Variants in LRPPRC observed in about 807,000 individuals in gnomAD.
LRPPRC encodes the protein leucine rich pentatricopeptide repeat containing.
LRPPRC carries 120 observed loss-of-function variants against 180.3 expected under a neutral mutation model. That is an observed-to-expected ratio of 0.67 (90% CI 0.57 to 0.77). The LOEUF (loss-of-function observed/expected upper bound fraction) is 0.77. Among genes scored for constraint, LRPPRC ranks in the 30% least tolerant of loss-of-function variants. LRPPRC has a pLI of 0.00. For synonymous variants in LRPPRC, 723 were observed against 600.0 expected, an observed-to-expected ratio of 1.21 and a Z score of -3.00; for missense variants, 2,012 against 1,657.2, an observed-to-expected ratio of 1.21 and a Z score of -3.72.
At chr2:43,949,705 A>G (rs1672826121) in intron 15 of LRPPRC, 46 bp from the exon 16 acceptor site, 1 of 1,205,536 alleles carries the variant, frequency 8.3e-7, no homozygotes, top group African/African-American at 1.5e-5. Context: ...GAAGCAAACA[A>G]GAACAAACAC....
Position 43,975,075 on chromosome 2 carries a change from T to C in LRPPRC, c.864+16A>G, listed in dbSNP as rs1289221034. 1.2e-6 allele frequency: 2 copies of C among 1,610,662 alleles called. No individual in the cohort carries two copies. Among genetic ancestry groups the C allele is most frequent in the Middle Eastern group, 1.7e-4 (1 of 6,056 alleles). Reference sequence around the variant, plus strand: ...CAAATGATTTTAAAGTATGTTTATTTAGACATAAGTCATACCTGCTTAACA... The same window carrying C: ...CAAATGATTTTAAAGTATGTTTATTCAGACATAAGTCATACCTGCTTAACA... On this transcript the variant is annotated intron_variant, in intron 7 of 37. Coordinates refer to ENST00000260665, the MANE Select transcript of LRPPRC (RefSeq NM_133259.4).
chr2:43,912,288 G>T, intron 30 of LRPPRC, 144 bp downstream of exon 30: 1 of 707,150 alleles, frequency 1.4e-6, no homozygotes, highest in Non-Finnish European at 2.4e-6. Flanking sequence ...GATAAAGTTA[G>T]TTAACCATTT....
chr2:43,946,305 T>C, intron 20 of LRPPRC, 62 bp from the exon 21 acceptor site: 1 of 1,300,568 alleles, frequency 7.7e-7, no homozygotes, highest in Non-Finnish European at 1.1e-6. Flanking sequence ...TGTCACATTT[T>C]TAGCTTTACT....
chr2:43,949,169 C>T (rs188777403), intron 16 of LRPPRC, among the ~76,000 whole-genome samples: 18 of 152,224 alleles, frequency 1.2e-4, no homozygotes, highest in Admixed American at 5.2e-4. Flanking sequence ...AGTCTAGCTT[C>T]ATTATATGAA....
intron 11 of LRPPRC, 119 bp from the exon 12 acceptor site, chr2:43,963,825 G>C: frequency 1.3e-6 from 1 of 757,188 alleles, no homozygotes; most frequent in Non-Finnish European, 2.4e-6. Flanking sequence ...TCAGCAATTC[G>C]TTTGTCTAAA....
intron 30 of LRPPRC, among the ~76,000 whole-genome samples, chr2:43,906,837 G>A (rs969965456): frequency 2.0e-5 from 3 of 152,154 alleles, no homozygotes; most frequent in African/African-American, 7.2e-5. Flanking sequence ...CACCCCTGCA[G>A]TCCCTGGACA....
At chr2:43,889,252 T>C (rs756705607) in intron 37 of LRPPRC, among the ~76,000 whole-genome samples, 38 of 128,004 alleles carry the variant, frequency 3.0e-4, no homozygotes, top group Non-Finnish European at 5.3e-4. Context: ...GAGGCGGAGG[T>C]TGCAGTGAGC....
intron 14 of LRPPRC, among the ~76,000 whole-genome samples, chr2:43,955,487 AAAAAAG>A (rs899415040): frequency 4.6e-5 from 7 of 151,598 alleles, no homozygotes; most frequent in Non-Finnish European, 1.5e-5. Flanking sequence ...AAAAAAAAAA[AAAAAAG>A]AAAAGAAAAT....
chr2:43,966,582 G>A (rs746659736), intron 11 of LRPPRC, among the ~76,000 whole-genome samples: 1 of 151,450 alleles, frequency 6.6e-6, no homozygotes, highest in South Asian at 2.1e-4. Flanking sequence ...AGTAATTTTT[G>A]TATTTTTACC....
At chr2:43,892,127 G>T (rs1458468749) in intron 36 of LRPPRC, among the ~76,000 whole-genome samples, 1 of 152,244 alleles carries the variant, frequency 6.6e-6, no homozygotes, top group East Asian at 1.9e-4. Context: ...AGCAGCAAAT[G>T]CTGATGCAGA....
chr2:43,957,330 G>A, intron 14 of LRPPRC, 55 bp downstream of exon 14: 2 of 1,179,450 alleles, frequency 1.7e-6, no homozygotes, highest in Non-Finnish European at 2.6e-6. Context: ...AAGTCAAAAG[G>A]ACAGGAGAAA....
intron 33 of LRPPRC, 34 bp downstream of exon 33, chr2:43,899,432 C>G (rs1558902411): frequency 1.2e-6 from 2 of 1,613,562 alleles, no homozygotes; most frequent in Non-Finnish European, 8.5e-7. Flanking sequence ...AGAAAATGTG[C>G]TTGTGTGTTC....
chr2:43,976,065 C>T (rs1006859614), intron 6 of LRPPRC, 78 bp downstream of exon 6: 4 of 827,628 alleles, frequency 4.8e-6, no homozygotes, highest in Non-Finnish European at 8.4e-6. Context: ...ACTTAACAAA[C>T]AAAAAAGGAG....
intron 14 of LRPPRC, 86 bp downstream of exon 14, chr2:43,957,299 T>G (rs1038623916): frequency 1.1e-6 from 1 of 902,396 alleles, no homozygotes; most frequent in Admixed American, 1.7e-5. Flanking sequence ...ATAAGAATAT[T>G]TGTATTTTTC....
chr2:43,939,056 C>T (rs377703532), intron 23 of LRPPRC, among the ~76,000 whole-genome samples: 61 of 150,408 alleles, frequency 4.1e-4, no homozygotes, highest in Non-Finnish European at 5.5e-4. Flanking sequence ...GTGGATCACG[C>T]GGTCAGGAGA....
At position 43,912,445 on chromosome 2, in the gene LRPPRC, C is replaced by G. The variant is rs1186493368; in HGVS notation, c.3262G>C (p.Glu1088Gln). ...MSEDYFTQAM[E>Q]VKAFAETHIK... ...ACTAACACTTACAATGCTTTCACTTCCATTGCTTGTGTAAAATAATCTTCT... is the reference window on the plus strand; with the variant it reads ...ACTAACACTTACAATGCTTTCACTTGCATTGCTTGTGTAAAATAATCTTCT... Residue 1088 changes from glutamate (E) to glutamine (Q), a missense_variant, in exon 30 of 38, where the codon GAA becomes CAA. Physicochemically the swap from Glu to Gln is conservative, Grantham distance 29. Coordinates refer to ENST00000260665, the MANE Select transcript of LRPPRC (RefSeq NM_133259.4). The G allele has an allele frequency of 6.2e-7, 1 of 1,609,882 alleles. No individual in the cohort carries two copies. The highest frequency in any genetic ancestry group is 1.3e-5 in the African/African-American group (1 of 74,822).
rs770026125 is a variant in LRPPRC, at chr2:43,896,616, G to A, written c.3900+18C>T. 6.6e-7 allele frequency: 1 copy of A among 1,503,900 alleles called. No individual in the cohort carries two copies. The highest frequency in any genetic ancestry group is 1.1e-5 in the South Asian group (1 of 88,348). 93.2% of individuals were successfully genotyped at this position (1,503,900 alleles called of 1,614,324 possible). On this transcript the variant is annotated intron_variant, in intron 35 of 37. Transcript: ENST00000260665. ...CACGTACAGTATCATTGATTTGTAA[G>A]CAGGTAAAGCACAGTACCTTTCCTT...
chr2:43,968,794 T>C (rs1426515543), intron 11 of LRPPRC, among the ~76,000 whole-genome samples: 2 of 152,228 alleles, frequency 1.3e-5, no homozygotes, highest in South Asian at 2.1e-4. Flanking sequence ...AGGGTTCTAA[T>C]GTACAGCATG....
intron 1 of LRPPRC, among the ~76,000 whole-genome samples, chr2:43,992,957 T>C (rs1043271747): frequency 7.6e-4 from 116 of 152,034 alleles, no homozygotes; most frequent in African/African-American, 2.7e-3. Flanking sequence ...AGAATGAAAA[T>C]GTTGAGAAAA....
Sources: allele counts gnomAD v4.1 joint callset (sites outside exome capture counted in the v4.1 genomes callset), GRCh38; gene constraint gnomAD v4.1.1; transcripts MANE v1.5; gene names NCBI Gene and HGNC (gene_info 2026-07-23, HGNC 2026-07-21).